EYS: variants seen among roughly 807,000 people sequenced by gnomAD.
EYS encodes EGF-like photoreceptor maintenance factor.
EYS carries 250 observed loss-of-function variants against 282.1 expected under a neutral mutation model. The ratio of observed to expected loss-of-function variants is 0.89; its 90% CI spans 0.80 to 0.98. The LOEUF (loss-of-function observed/expected upper bound fraction) is 0.98. EYS is among the 50% of genes least tolerant of loss of function. The pLI is 0.00. For missense variants in EYS, 4,016 were observed against 3,709.0 expected, an observed-to-expected ratio of 1.08 and a Z score of -2.15; for synonymous variants, 1,355 against 1,282.9, an observed-to-expected ratio of 1.06 and a Z score of -1.20.
chr6:64,042,088 A>G (rs1258355476), intron 33 of EYS, among the ~76,000 whole-genome samples: 1 of 152,238 alleles, frequency 6.6e-6, no homozygotes, highest in African/African-American at 2.4e-5. Context: ...AACACACAAG[A>G]TAACATATTA....
chr6:64,855,032 A>G (rs1766009661), intron 19 of EYS, among the ~76,000 whole-genome samples: 1 of 152,094 alleles, frequency 6.6e-6, no homozygotes, highest in Admixed American at 6.6e-5. Flanking sequence ...ACAAAAGTCA[A>G]CTGTTTTTAT....
At chr6:65,286,635 C>T (rs1768375506) in intron 12 of EYS, among the ~76,000 whole-genome samples, 3 of 151,524 alleles carry the variant, frequency 2.0e-5, no homozygotes, top group Admixed American at 2.0e-4. Flanking sequence ...CAAAGAATAA[C>T]AGTAATTCTT....
rs567605649 is a variant in EYS at position 65,117,953 on chromosome 6, T to G, written c.2024-60226A>C. On this transcript the variant is annotated intron_variant, in intron 12 of 42. Transcript: ENST00000503581. ...GGCAGAAGGAGGCAAAACAATGACA[T>G]AAAAAGGAAGGCAAAACTTGAACCA... Among the ~76,000 whole-genome samples the G allele has an allele frequency of 2.6e-5, 4 of 152,038 alleles. No homozygotes were observed. The South Asian group carries it at 6.2e-4, about 24-fold the overall frequency.
At chr6:65,057,144 G>A (rs987802168) in intron 13 of EYS, among the ~76,000 whole-genome samples, 3 of 151,930 alleles carry the variant, frequency 2.0e-5, no homozygotes, top group African/African-American at 7.2e-5. Context: ...ATAAGGCAAA[G>A]CAAGGATTTG....
At chr6:65,443,325 T>G (rs532992296) in intron 5 of EYS, among the ~76,000 whole-genome samples, 1 of 131,714 alleles carries the variant, frequency 7.6e-6, no homozygotes, top group African/African-American at 2.5e-5. Flanking sequence ...TAGACATATA[T>G]GCATACATGT....
At chr6:64,383,757 G>A (rs973949995) in intron 29 of EYS, among the ~76,000 whole-genome samples, 1 of 152,124 alleles carries the variant, frequency 6.6e-6, no homozygotes, top group Non-Finnish European at 1.5e-5. Flanking sequence ...TTTTATCCCT[G>A]TAATTTACAA....
At chr6:64,235,932 C>A (rs574368535) in intron 30 of EYS, among the ~76,000 whole-genome samples, 1 of 152,230 alleles carries the variant, frequency 6.6e-6, no homozygotes, top group African/African-American at 2.4e-5. Context: ...GAAACTATTC[C>A]CATCAATAGG....
chr6:64,005,702 C>T (rs1050993391), intron 33 of EYS, among the ~76,000 whole-genome samples: 7 of 152,134 alleles, frequency 4.6e-5, no homozygotes, highest in Non-Finnish European at 1.5e-5. Flanking sequence ...GCCAGGTATC[C>T]CTGCACCATT....
chr6:64,509,966 C>G (rs1487433926), intron 26 of EYS, among the ~76,000 whole-genome samples: 1 of 152,092 alleles, frequency 6.6e-6, no homozygotes. Flanking sequence ...GGGAATCAAT[C>G]TCTTTCATAT....
chr6:64,609,207 C>T (rs374873011), intron 24 of EYS, among the ~76,000 whole-genome samples: 1 of 152,166 alleles, frequency 6.6e-6, no homozygotes, highest in African/African-American at 2.4e-5. Context: ...ACCTAAAGCT[C>T]TTCCAGAAAA....
intron 26 of EYS, among the ~76,000 whole-genome samples, chr6:64,487,627 TA>T (rs1562021475): frequency 6.6e-6 from 1 of 151,022 alleles, no homozygotes; most frequent in East Asian, 1.9e-4. Context: ...ATTTTAAAAC[TA>T]TAAGGATATA....
chr6:64,769,864 T>C (rs569110782), intron 22 of EYS, among the ~76,000 whole-genome samples: 2 of 152,104 alleles, frequency 1.3e-5, no homozygotes, highest in East Asian at 1.9e-4. Flanking sequence ...ACTAAAAGTA[T>C]TAAAGAAGAG....
chr6:63,876,583 C>T (rs1772978391), intron 35 of EYS, among the ~76,000 whole-genome samples: 1 of 151,960 alleles, frequency 6.6e-6, no homozygotes, highest in African/African-American at 2.4e-5. Context: ...GTTAAAGTCT[C>T]CCATTATTAT....
chr6:65,622,154 C>G (rs1220974843), intron 2 of EYS, among the ~76,000 whole-genome samples: 1 of 152,142 alleles, frequency 6.6e-6, no homozygotes, highest in Non-Finnish European at 1.5e-5. Flanking sequence ...TCAGCTGATT[C>G]TCTCTGGGGC....
intron 22 of EYS, among the ~76,000 whole-genome samples, chr6:64,755,955 A>T (rs886830259): frequency 8.5e-5 from 13 of 152,238 alleles, no homozygotes; most frequent in African/African-American, 3.1e-4. Context: ...CTATAAGTTA[A>T]TACAAATTTT....
chr6:63,896,650 T>C (rs932981593), intron 35 of EYS, among the ~76,000 whole-genome samples: 2 of 152,220 alleles, frequency 1.3e-5, no homozygotes, highest in African/African-American at 4.8e-5. Context: ...GAATGACATA[T>C]ATGCACCATT....
chr6:65,359,539 A>G (rs1764619228), intron 8 of EYS, among the ~76,000 whole-genome samples: 1 of 152,018 alleles, frequency 6.6e-6, no homozygotes, highest in South Asian at 2.1e-4. Flanking sequence ...TGTATTAAGC[A>G]TTGTAAACTT....
intron 26 of EYS, among the ~76,000 whole-genome samples, chr6:64,505,425 A>C (rs1279136850): frequency 6.6e-6 from 1 of 152,200 alleles, no homozygotes; most frequent in Non-Finnish European, 1.5e-5. Context: ...TTAGGTTAAC[A>C]CTGCTTTCGT....
chr6:64,047,853 A>G (rs1400588736), intron 33 of EYS, among the ~76,000 whole-genome samples: 1 of 152,190 alleles, frequency 6.6e-6, no homozygotes, highest in Admixed American at 6.5e-5. Context: ...GGTGGGCTGC[A>G]GCAGAGGCTG....
Sources: gnomAD v4.1 joint callset for allele counts (sites outside exome capture counted in the v4.1 genomes callset) on GRCh38, gnomAD v4.1.1 for gene constraint, MANE v1.5 for transcripts, NCBI Gene and HGNC (gene_info 2026-07-23, HGNC 2026-07-21) for gene names.